PTCD3: variants seen among roughly 807,000 people sequenced by gnomAD.
PTCD3 encodes the protein pentatricopeptide repeat domain 3.
Under a neutral mutation model 101.9 loss-of-function variants are expected in PTCD3, and 89 were observed. That is an observed-to-expected ratio of 0.87 (90% CI 0.74 to 1.04). The LOEUF (loss-of-function observed/expected upper bound fraction) is 1.04, where lower values mean the gene tolerates loss of function less well. PTCD3 is among the 50% of genes least tolerant of loss of function. PTCD3 has a pLI of 0.00. For synonymous variants in PTCD3, 296 were observed against 278.5 expected (o/e 1.06, Z -0.63); for missense variants, 870 against 828.2 (o/e 1.05, Z -0.62).
intron 12 of PTCD3, among the ~76,000 whole-genome samples, chr2:86,126,668 C>G (rs1674397839): frequency 6.6e-6 from 1 of 151,918 alleles, no homozygotes; most frequent in African/African-American, 2.4e-5. Flanking sequence ...AACCCCGTCT[C>G]TACTACAAAA....
chr2:86,113,385 A>G (rs1674123704), intron 4 of PTCD3, among the ~76,000 whole-genome samples: 2 of 152,142 alleles, frequency 1.3e-5, no homozygotes, highest in Admixed American at 1.3e-4. Context: ...GTCTGTGGGG[A>G]AAAGTCTAAA....
chr2:86,134,731 C>A, intron 20 of PTCD3, 108 bp from the exon 21 acceptor site: 1 of 1,280,020 alleles, frequency 7.8e-7, no homozygotes, highest in East Asian at 2.3e-5. Context: ...ATAATATATT[C>A]AAATGGTAAA....
rs1206260918 is a variant in PTCD3, at chr2:86,138,204, C to T, written c.*645C>T. 6.6e-6 allele frequency: 1 copy of T among 152,362 alleles called. No individual in the cohort carries two copies. 9.4% of individuals were successfully genotyped at this position (152,362 alleles called of 1,614,324 possible). On this transcript the variant is annotated 3_prime_UTR_variant, in exon 24 of 24. Transcript: ENST00000254630. ...CTAACTTGAACAGCCATGAATGTTT[C>T]ATGTCTCCCTTTTTTTTTGTCTATA...
rs1024798007 is a variant in PTCD3, at chr2:86,140,219, C to T, written c.*2660C>T. The T allele has an allele frequency of 8.3e-6, 1 of 120,936 alleles. No homozygotes were observed. Among genetic ancestry groups the T allele is most frequent in the African/African-American group, 3.9e-5 (1 of 25,718 alleles). 7.5% of individuals were successfully genotyped at this position (120,936 alleles called of 1,614,324 possible). ...GTAAAGCAGACTCCCCTTTCAGCAACCTCAAAGCAAAAAAAAAAAAAAAAA... is the reference window on the plus strand; with the variant it reads ...GTAAAGCAGACTCCCCTTTCAGCAATCTCAAAGCAAAAAAAAAAAAAAAAA... On this transcript the variant is annotated 3_prime_UTR_variant, in exon 24 of 24. Coordinates refer to ENST00000254630, the MANE Select transcript of PTCD3 (RefSeq NM_017952.6).
At chr2:86,135,113 T>A in intron 21 of PTCD3, 126 bp downstream of exon 21, 1 of 1,203,504 alleles carries the variant, frequency 8.3e-7, no homozygotes, top group South Asian at 1.8e-5. Flanking sequence ...AACTTGCAAA[T>A]ACCAACTAAA....
intron 12 of PTCD3, 112 bp from the exon 13 acceptor site, chr2:86,127,045 TACTA>T: frequency 9.0e-6 from 8 of 884,124 alleles, no homozygotes; most frequent in Non-Finnish European, 1.4e-5. Context: ...GGGATATAGT[TACTA>T]ACCTGCTTTA....
In PTCD3 at chr2:86,129,311, T is replaced by TG. The variant is rs1261372832; in HGVS notation, c.1147+1325dup. Among the ~76,000 whole-genome samples the TG allele has an allele frequency of 3.3e-5, 5 of 152,232 alleles. No homozygotes were observed. The Middle Eastern group carries it at 0.01, about 311-fold the overall frequency. ...CTAAGTAACAGCCAGGACTGGGGGA[T>TG]GGGGGTTCTGGGGGAGCTGTGTTGG... On this transcript the variant is annotated intron_variant, in intron 14 of 23. Transcript: ENST00000254630.
chr2:86,127,810 G>A, intron 13 of PTCD3, 131 bp from the exon 14 acceptor site: 2 of 732,074 alleles, frequency 2.7e-6, no homozygotes, highest in Non-Finnish European at 2.4e-6. Context: ...TTTGTTCAAA[G>A]GAATAGAAAT....
chr2:86,132,291 T>A (rs1351805149), intron 16 of PTCD3, 27 bp from the exon 17 acceptor site: 1 of 1,382,594 alleles, frequency 7.2e-7, no homozygotes, highest in African/African-American at 1.4e-5. Context: ...GGTATCAGAG[T>A]GATACTTACT....
rs183749604 is a variant in PTCD3 at position 86,119,056 on chromosome 2, C to T, written c.538+12C>T. 33 of 1,612,156 alleles carry T rather than the reference C, an allele frequency of 2.0e-5. No individual in the cohort carries two copies. The highest frequency in any genetic ancestry group is 2.7e-5 in the African/African-American group (2 of 74,758). On this transcript the variant is annotated intron_variant, in intron 7 of 23. Transcript: ENST00000254630. The stretch of plus-strand genomic sequence containing the variant: ...GCTTTTGCAAGCAGGTGACTGAGTT[C>T]GATTAAAGCCCCTCTAATAACATGG...
At chr2:86,106,375 CGAA>C in intron 1 of PTCD3, 24 bp downstream of exon 1, 1 of 1,605,478 alleles carries the variant, frequency 6.2e-7, no homozygotes, top group East Asian at 2.2e-5. Flanking sequence ...AGGGTATCCG[CGAA>C]GAAGACCGCG....
intron 9 of PTCD3, 43 bp downstream of exon 9, chr2:86,123,805 A>G (rs754772416): frequency 1.0e-5 from 14 of 1,382,470 alleles, no homozygotes; most frequent in Admixed American, 8.9e-5. Context: ...AGTGTCTTAC[A>G]GTGCATGGAA....
rs1429396991 is a variant in PTCD3 at position 86,118,774 on chromosome 2, A to G, written c.415-147A>G. On this transcript the variant is annotated intron_variant, in intron 6 of 23. Coordinates refer to ENST00000254630, the MANE Select transcript of PTCD3 (RefSeq NM_017952.6). ...TCCCTGTGAAGACAGTGATGTTAAA[A>G]TGATCAGTAGTATCTGGTGCAGGAA... 4 of 836,476 alleles carry G rather than the reference A, an allele frequency of 4.8e-6. No homozygotes were observed. The East Asian group carries it at 7.8e-5, about 16-fold the overall frequency. The allele number at this position is 836,476 out of a possible 1,614,324, so 51.8% of individuals were successfully genotyped here.
intron 12 of PTCD3, among the ~76,000 whole-genome samples, chr2:86,126,148 T>C (rs1174708882): frequency 6.7e-6 from 1 of 150,356 alleles, no homozygotes; most frequent in South Asian, 2.1e-4. Flanking sequence ...GAGAATCTAT[T>C]GAACCCGGGA....
intron 6 of PTCD3, among the ~76,000 whole-genome samples, chr2:86,118,627 A>T (rs996308252): frequency 1.3e-5 from 2 of 152,222 alleles, no homozygotes; most frequent in African/African-American, 4.8e-5. Context: ...TGTCTGGGGT[A>T]AAATAGTAGG....
intron 21 of PTCD3, 47 bp from the exon 22 acceptor site, chr2:86,136,474 C>T (rs1372744214): frequency 3.2e-6 from 5 of 1,539,410 alleles, no homozygotes; most frequent in Non-Finnish European, 9.0e-7. Flanking sequence ...TGTCTGATTG[C>T]CTTGTTTTTC....
Position 86,140,919 on chromosome 2 carries a change from A to AAC in PTCD3, c.*3361_*3362insCA, listed in dbSNP as rs1553442735. 1,073 of 141,032 alleles carry AAC rather than the reference A, an allele frequency of 7.6e-3. 46 individuals are homozygous for AAC. The highest frequency in any genetic ancestry group is 0.021 in the African/African-American group (816 of 38,554). The allele number at this position is 141,032 out of a possible 1,614,324, so 8.7% of individuals were successfully genotyped here. ...AAACCCATCTCAAAAAAAAAAAAAA[A>AAC]AAACCAAAAAAACTGTCCAGCTGTG... On this transcript the variant is annotated 3_prime_UTR_variant, in exon 24 of 24. Coordinates refer to ENST00000254630, the MANE Select transcript of PTCD3 (RefSeq NM_017952.6).
In PTCD3 at chr2:86,111,104, T is replaced by C. The variant is rs548628940; in HGVS notation, c.195-9T>C. ...CTGATGAGGATTAACTTGTGGTTCT[T>C]ATTTTTAGGGATAAAGTAGCCGTTC... On this transcript the variant is annotated splice_polypyrimidine_tract_variant and intron_variant, in intron 3 of 23. Transcript: ENST00000254630. 5 of 1,611,918 alleles carry C rather than the reference T, an allele frequency of 3.1e-6. No individual in the cohort carries two copies. In the African/African-American group the frequency reaches 5.3e-5, roughly 17 times the overall value.
At chr2:86,134,198 T>A in intron 19 of PTCD3, 94 bp from the exon 20 acceptor site, 1 of 903,966 alleles carries the variant, frequency 1.1e-6, no homozygotes, top group South Asian at 1.6e-5. Flanking sequence ...TAACAGCAAC[T>A]TATTTTTACC....
Sources: allele counts gnomAD v4.1 joint callset (sites outside exome capture counted in the v4.1 genomes callset), GRCh38; gene constraint gnomAD v4.1.1; transcripts MANE v1.5; gene names NCBI Gene and HGNC (gene_info 2026-07-23, HGNC 2026-07-21).